Variants in SETD5 observed in about 807,000 individuals in gnomAD.
The protein encoded by SETD5 is SET domain containing 5.
Under a neutral mutation model 153.3 loss-of-function variants are expected in SETD5, and 44 were observed. That is an observed-to-expected ratio of 0.29 (90% CI 0.23 to 0.37). The LOEUF (loss-of-function observed/expected upper bound fraction) is 0.37. SETD5 is among the 10% of genes least tolerant of loss of function. The pLI is 1.00. For synonymous variants in SETD5, 716 were observed against 645.2 expected (o/e 1.11, Z -1.66); for missense variants, 1,544 against 1,768.0 (o/e 0.87, Z 2.27).
At position 9,445,083 on chromosome 3, in the gene SETD5, A is replaced by G; in HGVS notation, c.1223A>G (p.Asn408Ser). ...GTGGACTGTGCCTGTCACAAGGGAA[A>G]CCGGAATTGTCCTATACAAAAAAGG... is the stretch of plus-strand genomic sequence containing the variant. The part of the protein sequence containing the change: ...YKVDCACHKG[N>S]RNCPIQKRNP... Residue 408 changes from asparagine to serine, a missense_variant, in exon 12 of 23, where the codon AAC becomes AGC. Physicochemically the swap from Asn to Ser is conservative, Grantham distance 46 (BLOSUM62 1). Transcript: ENST00000402198. 2 of 1,613,880 alleles carry G rather than the reference A, an allele frequency of 1.2e-6. No homozygotes were observed. Among genetic ancestry groups the G allele is most frequent in the South Asian group, 1.1e-5 (1 of 91,074 alleles).
At chr3:9,456,691 C>T (rs2043287661) in intron 17 of SETD5, among the ~76,000 whole-genome samples, 1 of 151,708 alleles carries the variant, frequency 6.6e-6, no homozygotes, top group South Asian at 2.1e-4. Context: ...ATTAAAGATT[C>T]TGGCTGGGTG....
chr3:9,428,003 A>T (rs1030692252), intron 2 of SETD5, among the ~76,000 whole-genome samples: 1 of 152,154 alleles, frequency 6.6e-6, no homozygotes, highest in African/African-American at 2.4e-5. Context: ...AGTCTTTATC[A>T]TGAAACTGTA....
At chr3:9,443,837 G>A (rs1029770488) in intron 11 of SETD5, among the ~76,000 whole-genome samples, 1 of 152,132 alleles carries the variant, frequency 6.6e-6, no homozygotes, top group Non-Finnish European at 1.5e-5. Flanking sequence ...AGGCTGAGGC[G>A]GGCGGATCAC....
intron 19 of SETD5, among the ~76,000 whole-genome samples, chr3:9,472,650 G>A (rs1489866036): frequency 6.6e-6 from 1 of 151,824 alleles, no homozygotes; most frequent in Admixed American, 6.6e-5. Context: ...AAGTATCCTG[G>A]AGCATTGGGT....
intron 10 of SETD5, 181 bp from the exon 11 acceptor site, chr3:9,443,127 C>T (rs1575436950): frequency 3.9e-6 from 2 of 510,776 alleles, no homozygotes; most frequent in South Asian, 4.6e-5. Context: ...TATAAATTTT[C>T]AAGCCAGTGC....
chr3:9,467,502 C>G (rs1575588630), intron 18 of SETD5, among the ~76,000 whole-genome samples: 1 of 152,102 alleles, frequency 6.6e-6, no homozygotes. Flanking sequence ...ATACGTGCAC[C>G]TAGATGTACA....
chr3:9,412,640 G>C (rs969767759), intron 1 of SETD5, among the ~76,000 whole-genome samples: 21 of 151,750 alleles, frequency 1.4e-4, no homozygotes, highest in Non-Finnish European at 1.0e-4. Context: ...TTGAACTCCT[G>C]GCCTCAAGTG....
rs1034054269 is a variant in SETD5 at position 9,425,264 on chromosome 3, G to A, written c.-117+738G>A. Among the ~76,000 whole-genome samples the A allele has an allele frequency of 2.3e-4, 35 of 151,590 alleles. 1 individual carries two copies. The highest frequency in any genetic ancestry group is 7.3e-4 in the African/African-American group (30 of 41,340). On this transcript the variant is annotated intron_variant, in intron 2 of 22. Coordinates refer to ENST00000402198, the MANE Select transcript of SETD5 (RefSeq NM_001080517.3). ...TTTTTAGTAGAGACAGGGTTTCACC[G>A]TGTTAGCCAGGCTGGTCTTAAACTC...
At chr3:9,427,559 A>T (rs2039443613) in intron 2 of SETD5, among the ~76,000 whole-genome samples, 1 of 152,162 alleles carries the variant, frequency 6.6e-6, no homozygotes, top group Non-Finnish European at 1.5e-5. Flanking sequence ...AAAAAATAAA[A>T]ATAAAATTTA....
At chr3:9,403,341 AG>A (rs761874246) in intron 1 of SETD5, among the ~76,000 whole-genome samples, 7 of 152,216 alleles carry the variant, frequency 4.6e-5, no homozygotes, top group Non-Finnish European at 5.9e-5. Flanking sequence ...TCACCTCCCG[AG>A]GAGACCCGTT....
intron 7 of SETD5, among the ~76,000 whole-genome samples, chr3:9,439,785 T>G (rs903067516): frequency 6.6e-6 from 1 of 152,206 alleles, no homozygotes; most frequent in Non-Finnish European, 1.5e-5. Flanking sequence ...TCCTCTCCCC[T>G]CACTTCACCT....
At position 9,443,323 on chromosome 3, in the gene SETD5, G is replaced by T; in HGVS notation, c.1093G>T (p.Ala365Ser). 6.4e-7 allele frequency: 1 copy of T among 1,550,978 alleles called. No homozygotes were observed. Among genetic ancestry groups the T allele is most frequent in the South Asian group, 1.2e-5 (1 of 82,392 alleles). Reference sequence around the variant, plus strand: ...TTTCACACAGGTGCGACACATGATTGCAGATGGGATGATTCACCTGTGCAT... The same window carrying T: ...TTTCACACAGGTGCGACACATGATTTCAGATGGGATGATTCACCTGTGCAT... The part of the protein sequence containing the change: ...TPNAEVRHMI[A>S]DGMIHLCIYA... The change falls in exon 11 of 23, where the codon GCA becomes TCA. Residue 365 changes from alanine (A) to serine (S), a missense_variant. Ala to Ser is a moderately conservative substitution (Grantham distance 99). Coordinates refer to ENST00000402198, the MANE Select transcript of SETD5 (RefSeq NM_001080517.3).
intron 3 of SETD5, 160 bp downstream of exon 3, chr3:9,429,169 GA>G (rs1354777623): frequency 1.5e-5 from 6 of 404,108 alleles, no homozygotes; most frequent in African/African-American, 4.1e-5. Flanking sequence ...GAAGGTGGTG[GA>G]AAAAAGGAAT....
chr3:9,440,313 T>C lies in SETD5; in HGVS notation c.568-143T>C, dbSNP rs539220838. 83 of 603,646 alleles carry C rather than the reference T, an allele frequency of 1.4e-4. No homozygotes were observed. In the African/African-American group the frequency reaches 1.4e-3, roughly 11 times the overall value. 37.4% of individuals were successfully genotyped at this position (603,646 alleles called of 1,614,324 possible). On this transcript the variant is annotated intron_variant, in intron 7 of 22. Coordinates refer to ENST00000402198, the MANE Select transcript of SETD5 (RefSeq NM_001080517.3). Reference sequence around the variant, plus strand: ...AAAGCATGATAGAAACCAGATCCTCTGACTCCCAGTCCATTACTCTTTTAT... The same window carrying C: ...AAAGCATGATAGAAACCAGATCCTCCGACTCCCAGTCCATTACTCTTTTAT...
At chr3:9,430,684 A>T in intron 3 of SETD5, 1 of 346,138 alleles carries the variant, frequency 2.9e-6, no homozygotes, top group Non-Finnish European at 4.1e-6. Flanking sequence ...CAAAGAGGTT[A>T]AACCAATACG....
At chr3:9,424,264 C>T (rs1046367641) in intron 1 of SETD5, among the ~76,000 whole-genome samples, 16 of 152,020 alleles carry the variant, frequency 1.1e-4, no homozygotes, top group African/African-American at 3.6e-4. Context: ...TCTACCATCT[C>T]GTTTCTGGCT....
At chr3:9,452,406 A>T (rs952338550) in intron 16 of SETD5, among the ~76,000 whole-genome samples, 2 of 152,216 alleles carry the variant, frequency 1.3e-5, no homozygotes, top group Non-Finnish European at 2.9e-5. Context: ...TTAAGGCTAT[A>T]TGTATGGTTC....
At chr3:9,432,953 C>T (rs2040143845) in intron 3 of SETD5, among the ~76,000 whole-genome samples, 2 of 152,206 alleles carry the variant, frequency 1.3e-5, no homozygotes, top group African/African-American at 4.8e-5. Context: ...TGGAGTCAGA[C>T]AGACTTTGTT....
chr3:9,441,592 G>C lies in SETD5; in HGVS notation c.811-1G>C. 6.2e-7 allele frequency: 1 copy of C among 1,613,768 alleles called. No individual in the cohort carries two copies. The highest frequency in any genetic ancestry group is 1.3e-5 in the African/African-American group (1 of 75,010). On this transcript the variant is annotated splice_acceptor_variant, in intron 8 of 22. Transcript: ENST00000402198. LOFTEE classifies it high-confidence loss of function. ...AATGTTATTGCTCTGGTTTTATTCA[G>C]TTACAGCTGGGAAGAGTCACTCGTG...
Sources: gnomAD v4.1 joint callset for allele counts (sites outside exome capture counted in the v4.1 genomes callset) on GRCh38, gnomAD v4.1.1 for gene constraint, MANE v1.5 for transcripts, NCBI Gene and HGNC (gene_info 2026-07-23, HGNC 2026-07-21) for gene names.